The following INSC variants were observed in gnomAD, a reference collection of about 807,000 sequenced individuals.
INSC encodes protein inscuteable homolog.
In INSC, 67 loss-of-function variants were observed where a neutral mutation model predicts 58.6. That is an observed-to-expected ratio of 1.14 (90% CI 0.94 to 1.40). The LOEUF (loss-of-function observed/expected upper bound fraction) is 1.40. Ranked by LOEUF, INSC falls within the 40% of genes most tolerant of loss-of-function variation. INSC has a pLI of 0.00. For synonymous variants in INSC, 262 were observed against 276.1 expected (o/e 0.95, Z 0.51); for missense variants, 714 against 692.0 (o/e 1.03, Z -0.36).
At chr11:15,128,205 G>A (rs1848044202) in intron 1 of INSC, among the ~76,000 whole-genome samples, 1 of 152,036 alleles carries the variant, frequency 6.6e-6, no homozygotes. Context: ...ATTTTGGTTA[G>A]GACCCTGTCT....
chr11:15,207,187 C>A (rs773527275), intron 7 of INSC, among the ~76,000 whole-genome samples: 1 of 152,134 alleles, frequency 6.6e-6, no homozygotes, highest in Non-Finnish European at 1.5e-5. Context: ...GAGTGGGGGG[C>A]ACTCAAAGCC....
At chr11:15,147,334 G>A (rs887446795) in intron 1 of INSC, among the ~76,000 whole-genome samples, 17 of 152,142 alleles carry the variant, frequency 1.1e-4, no homozygotes, top group South Asian at 2.1e-4. Context: ...TGAGCCTCTC[G>A]CTGTGCTAAG....
intron 1 of INSC, among the ~76,000 whole-genome samples, chr11:15,132,069 T>G (rs1398209888): frequency 6.6e-6 from 1 of 152,170 alleles, no homozygotes; most frequent in African/African-American, 2.4e-5. Flanking sequence ...TGGAGGGAAT[T>G]TTCTCTTTCT....
chr11:15,225,611 C>T (rs1211046671), intron 8 of INSC, 39 bp from the exon 9 acceptor site: 4 of 1,589,212 alleles, frequency 2.5e-6, no homozygotes, highest in Non-Finnish European at 3.4e-6. Context: ...TATGAAAACA[C>T]TTGGCACGGA....
At chr11:15,172,215 C>T (rs1419379127) in intron 2 of INSC, among the ~76,000 whole-genome samples, 1 of 152,074 alleles carries the variant, frequency 6.6e-6, no homozygotes, top group Non-Finnish European at 1.5e-5. Context: ...TCTTAAAAGC[C>T]CCTAGGTCAG....
chr11:15,191,160 T>C (rs1209250290), intron 6 of INSC, among the ~76,000 whole-genome samples: 1 of 152,106 alleles, frequency 6.6e-6, no homozygotes, highest in African/African-American at 2.4e-5. Flanking sequence ...TTTGTATTTT[T>C]AGTAGAGACG....
At chr11:15,124,449 G>A (rs979672898) in intron 1 of INSC, among the ~76,000 whole-genome samples, 4 of 152,208 alleles carry the variant, frequency 2.6e-5, no homozygotes, top group African/African-American at 7.2e-5. Context: ...GATAGACTGG[G>A]CTTTGCAGAG....
At chr11:15,244,825 C>G (rs1852498435) in intron 12 of INSC, among the ~76,000 whole-genome samples, 1 of 151,990 alleles carries the variant, frequency 6.6e-6, no homozygotes, top group Non-Finnish European at 1.5e-5. Flanking sequence ...AGGAGGGGCA[C>G]CTTGTTCCCT....
chr11:15,202,199 G>A (rs1168461831), intron 7 of INSC, among the ~76,000 whole-genome samples: 2 of 152,078 alleles, frequency 1.3e-5, no homozygotes, highest in African/African-American at 2.4e-5. Context: ...GCTTCCCACC[G>A]GGTTGGAAGT....
At chr11:15,183,088 T>C (rs1179455926) in intron 5 of INSC, among the ~76,000 whole-genome samples, 1 of 152,064 alleles carries the variant, frequency 6.6e-6, no homozygotes, top group African/African-American at 2.4e-5. Context: ...CGACTCACGC[T>C]TGTAATCTCA....
At chr11:15,195,321 A>C (rs565722574) in intron 6 of INSC, among the ~76,000 whole-genome samples, 2 of 152,120 alleles carry the variant, frequency 1.3e-5, no homozygotes, top group Non-Finnish European at 2.9e-5. Context: ...TTTCAAAATG[A>C]GTTGCAAACA....
At chr11:15,173,970 G>A (rs186540584) in intron 2 of INSC, among the ~76,000 whole-genome samples, 87 of 152,234 alleles carry the variant, frequency 5.7e-4, no homozygotes, top group African/African-American at 1.8e-3. Context: ...GCTTCACCAG[G>A]CTGGCCTCAT....
At chr11:15,261,480 C>A in the INSC span, among the ~76,000 whole-genome samples, 2 of 152,166 alleles carry the variant, frequency 1.3e-5, no homozygotes, top group South Asian at 4.1e-4. Context: ...TTTACTGCTT[C>A]AGGCATTTTA....
chr11:15,216,225 G>T (rs945865323), intron 7 of INSC, among the ~76,000 whole-genome samples: 2 of 152,180 alleles, frequency 1.3e-5, no homozygotes, highest in African/African-American at 4.8e-5. Flanking sequence ...GCCTAAAAGT[G>T]TGGTGTCATA....
the INSC span, among the ~76,000 whole-genome samples, chr11:15,258,479 T>C: frequency 6.6e-6 from 1 of 152,242 alleles, no homozygotes; most frequent in Admixed American, 6.5e-5. Context: ...GGTTGAGATG[T>C]AAGGTCAGAA....
chr11:15,234,957 T>C (rs1380121046), intron 9 of INSC, among the ~76,000 whole-genome samples: 1 of 152,194 alleles, frequency 6.6e-6, no homozygotes, highest in Admixed American at 6.5e-5. Context: ...CTGGTGTCAA[T>C]ACCCCATTTC....
chr11:15,170,801 T>C (rs1849370103), intron 2 of INSC, among the ~76,000 whole-genome samples: 1 of 152,086 alleles, frequency 6.6e-6, no homozygotes, highest in South Asian at 2.1e-4. Context: ...CAAATAGGGA[T>C]ATACAGACAC....
chr11:15,115,639 A>G (rs1012119662), intron 1 of INSC, among the ~76,000 whole-genome samples: 4 of 152,070 alleles, frequency 2.6e-5, no homozygotes, highest in African/African-American at 9.7e-5. Flanking sequence ...CCACTCTTAA[A>G]CCAGGAGAAG....
the INSC span, among the ~76,000 whole-genome samples, chr11:15,267,260 G>A: frequency 0.027 from 4,053 of 151,926 alleles, 90 homozygotes; most frequent in Non-Finnish European, 0.04. Context: ...TTGATCACTT[G>A]TGGTTTCAAA....
Sources: allele counts gnomAD v4.1 joint callset (sites outside exome capture counted in the v4.1 genomes callset), GRCh38; gene constraint gnomAD v4.1.1; transcripts MANE v1.5; gene names NCBI Gene and HGNC (gene_info 2026-07-23, HGNC 2026-07-21).